Variants in CDH4 observed in about 807,000 individuals in gnomAD.
CDH4 encodes cadherin-4.
CDH4 carries 33 observed loss-of-function variants against 86.0 expected under a neutral mutation model. The ratio of observed to expected loss-of-function variants is 0.38; its 90% CI spans 0.29 to 0.51. CDH4 has a LOEUF of 0.51. Ranked by LOEUF, CDH4 falls within the 20% of genes least tolerant of loss-of-function variation. CDH4 has a pLI of 0.86. For missense variants in CDH4, 1,114 were observed against 1,307.4 expected (o/e 0.85, Z 2.28); for synonymous variants, 555 against 549.4 (o/e 1.01, Z -0.14).
intron 2 of CDH4, chr20:61,570,293 A>C: frequency 4.6e-6 from 1 of 219,562 alleles, no homozygotes; most frequent in Middle Eastern, 1.8e-3. Context: ...AAAATTCAGA[A>C]AGAAAATCTT....
At chr20:61,891,703 A>G (rs1057157597) in intron 7 of CDH4, among the ~76,000 whole-genome samples, 15 of 152,188 alleles carry the variant, frequency 9.9e-5, no homozygotes, top group African/African-American at 2.9e-4. Flanking sequence ...ACCAAGCCAC[A>G]GTCACCCTGT....
chr20:61,910,001 C>T (rs183848913), intron 8 of CDH4, among the ~76,000 whole-genome samples: 2 of 152,398 alleles, frequency 1.3e-5, no homozygotes, highest in Non-Finnish European at 2.9e-5. Flanking sequence ...GGTCTGCACG[C>T]CTGCTTCAGT....
Position 61,775,356 on chromosome 20 carries a change from C to T in CDH4, c.576+2174C>T, listed in dbSNP as rs1300013580. Reference sequence around the variant, plus strand: ...GCGGGCTTCCATCATGCTCTTCCACCTTATTTAATGCCTTGTGCTTCTGCC... The same window carrying T: ...GCGGGCTTCCATCATGCTCTTCCACTTTATTTAATGCCTTGTGCTTCTGCC... On this transcript the variant is annotated intron_variant, in intron 4 of 15. Coordinates refer to ENST00000614565, the MANE Select transcript of CDH4 (RefSeq NM_001794.5). Among the ~76,000 whole-genome samples, 4 of 151,878 alleles carry T rather than the reference C, an allele frequency of 2.6e-5. No individual in the cohort carries two copies. In the East Asian group the frequency reaches 5.8e-4, roughly 22 times the overall value.
intron 2 of CDH4, among the ~76,000 whole-genome samples, chr20:61,477,267 C>T (rs1180461668): frequency 6.6e-6 from 1 of 152,188 alleles, no homozygotes; most frequent in Non-Finnish European, 1.5e-5. Context: ...AAATGCAGTG[C>T]AAGGGGGCAG....
chr20:61,351,598 T>C (rs1325064418), intron 2 of CDH4, among the ~76,000 whole-genome samples: 1 of 152,236 alleles, frequency 6.6e-6, no homozygotes, highest in Non-Finnish European at 1.5e-5. Flanking sequence ...GTGAGATGTT[T>C]TGATACAGGC....
intron 2 of CDH4, among the ~76,000 whole-genome samples, chr20:61,419,186 G>A (rs763640633): frequency 4.6e-5 from 7 of 152,178 alleles, no homozygotes; most frequent in Non-Finnish European, 7.3e-5. Flanking sequence ...CACTGCAGAC[G>A]TGTCCTGAGC....
chr20:61,674,470 G>A (rs928018567), intron 2 of CDH4, among the ~76,000 whole-genome samples: 8 of 152,206 alleles, frequency 5.3e-5, no homozygotes, highest in African/African-American at 1.7e-4. Context: ...CAGTTCACAG[G>A]GAGCAGGAGA....
At chr20:61,668,015 C>A (rs536892766) in intron 2 of CDH4, among the ~76,000 whole-genome samples, 1 of 152,138 alleles carries the variant, frequency 6.6e-6, no homozygotes, top group African/African-American at 2.4e-5. Flanking sequence ...ACTTTGTTGC[C>A]CAAGGCTTCT....
intron 2 of CDH4, among the ~76,000 whole-genome samples, chr20:61,661,091 G>GGGT (rs1555821304): frequency 1.4e-5 from 2 of 143,938 alleles, no homozygotes; most frequent in African/African-American, 2.6e-5. Flanking sequence ...TGGCGGGGGG[G>GGGT]GGGGAGACAC....
At chr20:61,572,492 C>T (rs1418703821) in intron 2 of CDH4, among the ~76,000 whole-genome samples, 1 of 152,118 alleles carries the variant, frequency 6.6e-6, no homozygotes, top group African/African-American at 2.4e-5. Context: ...CTGGGGTGAG[C>T]CTCTGCCCTC....
chr20:61,684,517 T>G lies in CDH4; in HGVS notation c.170-59046T>G, dbSNP rs2087553101. Among the ~76,000 whole-genome samples the G allele has an allele frequency of 6.6e-6, 1 of 152,328 alleles. No individual in the cohort carries two copies. Among genetic ancestry groups the G allele is most frequent in the Middle Eastern group, 3.4e-3 (1 of 294 alleles). On this transcript the variant is annotated intron_variant, in intron 2 of 15. Transcript: ENST00000614565. This position sits in a 1 kb window ranked among gnomAD's most constrained non-coding sequence, Gnocchi z 4.5. ...AGGCAACCATCTCCTGGCCGCCTGTTCCATATCACACACAAGGTCCAGCCC... is the reference window on the plus strand; with the variant it reads ...AGGCAACCATCTCCTGGCCGCCTGTGCCATATCACACACAAGGTCCAGCCC...
chr20:61,520,150 C>T (rs1257912482), intron 2 of CDH4, among the ~76,000 whole-genome samples: 1 of 152,168 alleles, frequency 6.6e-6, no homozygotes, highest in African/African-American at 2.4e-5. Context: ...ATGCCCATGT[C>T]CATGGAGACA....
chr20:61,413,038 G>T (rs2085127683), intron 2 of CDH4, among the ~76,000 whole-genome samples: 1 of 152,146 alleles, frequency 6.6e-6, no homozygotes, highest in African/African-American at 2.4e-5. Flanking sequence ...TCCTTTCCAT[G>T]TTCCAGGCTC....
At chr20:61,386,913 G>A (rs750182469) in intron 2 of CDH4, among the ~76,000 whole-genome samples, 3 of 152,220 alleles carry the variant, frequency 2.0e-5, no homozygotes, top group East Asian at 1.9e-4. Context: ...CGTCAGGACC[G>A]GCCCCAAGAC....
chr20:61,260,228 C>T (rs765357729), intron 2 of CDH4, among the ~76,000 whole-genome samples: 5 of 152,138 alleles, frequency 3.3e-5, no homozygotes, highest in Non-Finnish European at 7.3e-5. Context: ...CTTTAAAGGC[C>T]CTCCTCTGCT....
At chr20:61,445,563 CT>C (rs1328040119) in intron 2 of CDH4, among the ~76,000 whole-genome samples, 3 of 152,112 alleles carry the variant, frequency 2.0e-5, no homozygotes, top group Non-Finnish European at 4.4e-5. Flanking sequence ...CCTCCTCCCC[CT>C]CTCCCCTCCC....
intron 9 of CDH4, among the ~76,000 whole-genome samples, chr20:61,911,433 C>T (rs2054849641): frequency 6.6e-6 from 1 of 152,222 alleles, no homozygotes; most frequent in Non-Finnish European, 1.5e-5. Context: ...TATCATAACA[C>T]TTAGCAATCG....
At chr20:61,773,409 C>T (rs2088802016) in intron 4 of CDH4, among the ~76,000 whole-genome samples, 1 of 152,182 alleles carries the variant, frequency 6.6e-6, no homozygotes, top group Non-Finnish European at 1.5e-5. Flanking sequence ...TGATTTCTCT[C>T]TTGGTTACTT....
chr20:61,652,622 T>G (rs1354000969), intron 2 of CDH4, among the ~76,000 whole-genome samples: 1 of 152,150 alleles, frequency 6.6e-6, no homozygotes, highest in African/African-American at 2.4e-5. Flanking sequence ...ACATTGATAA[T>G]GCTTCTAATA....
Sources: allele counts gnomAD v4.1 joint callset (sites outside exome capture counted in the v4.1 genomes callset), GRCh38; gene constraint gnomAD v4.1.1; non-coding constraint Gnocchi (gnomAD v3.1); transcripts MANE v1.5; gene names NCBI Gene and HGNC (gene_info 2026-07-23, HGNC 2026-07-21).